The following MYLK2 variants were observed in gnomAD, a reference collection of about 807,000 sequenced individuals.
The protein encoded by MYLK2 is myosin light chain kinase 2.
MYLK2 carries 27 observed loss-of-function variants against 58.2 expected under a neutral mutation model. That is an observed-to-expected ratio of 0.46 (90% CI 0.34 to 0.64). The LOEUF (loss-of-function observed/expected upper bound fraction) is 0.64. MYLK2 is among the 30% of genes least tolerant of loss of function. The pLI, the probability that MYLK2 is intolerant of heterozygous loss-of-function variation, is 0.01. For synonymous variants in MYLK2, 310 were observed against 296.7 expected (o/e 1.04, Z -0.46); for missense variants, 676 against 764.3 (o/e 0.88, Z 1.36).
chr20:31,820,740 T>A (rs1055773199), intron 3 of MYLK2, among the ~76,000 whole-genome samples, 194 bp downstream of exon 3: 1 of 152,168 alleles, frequency 6.6e-6, no homozygotes, highest in Non-Finnish European at 1.5e-5. Context: ...CCTGCCACAA[T>A]TCATACAAGA....
intron 8 of MYLK2, among the ~76,000 whole-genome samples, 197 bp from the exon 9 acceptor site, chr20:31,830,622 T>TCG (rs1324781328): frequency 6.6e-6 from 1 of 152,228 alleles, no homozygotes; most frequent in Non-Finnish European, 1.5e-5. Flanking sequence ...CTTCAAGGCC[T>TCG]CGCATAAGCC....
intron 8 of MYLK2, 138 bp downstream of exon 8, chr20:31,827,076 A>G: frequency 6.6e-7 from 1 of 1,508,966 alleles, no homozygotes; most frequent in South Asian, 1.3e-5. Context: ...AGATTCAGAA[A>G]GGGTTTATGG....
intron 2 of MYLK2, among the ~76,000 whole-genome samples, 167 bp from the exon 3 acceptor site, chr20:31,819,959 C>A (rs2062243006): frequency 6.6e-6 from 1 of 152,204 alleles, no homozygotes; most frequent in Non-Finnish European, 1.5e-5. Flanking sequence ...AAGGTCGTGG[C>A]AGCTCATCTC....
chr20:31,830,548 C>T (rs1455339143), intron 8 of MYLK2, among the ~76,000 whole-genome samples: 3 of 152,194 alleles, frequency 2.0e-5, no homozygotes, highest in South Asian at 2.1e-4. Context: ...GCTAGAATGT[C>T]GTGTTCTTTC....
chr20:31,821,635 A>C lies in MYLK2; in HGVS notation c.670A>C (p.Thr224Pro). The change falls in exon 4 of 13, where the codon ACC becomes CCC. Residue 224 changes from threonine (T) to proline (P), a missense_variant. Thr to Pro is a conservative substitution (Grantham distance 38). Coordinates refer to ENST00000375985, the MANE Select transcript of MYLK2 (RefSeq NM_033118.4). ...TGGCCAGGCTAAGATGCAAGGGGAC[A>C]CCTCGAGGGGGATTGAGTTCCAGGC... The part of the protein sequence containing the change: ...QAGQAKMQGD[T>P]SRGIEFQAVP... The C allele has an allele frequency of 6.2e-7, 1 of 1,613,976 alleles. No individual in the cohort carries two copies. Among genetic ancestry groups the C allele is most frequent in the Non-Finnish European group, 8.5e-7 (1 of 1,179,990 alleles).
intron 4 of MYLK2, among the ~76,000 whole-genome samples, chr20:31,822,715 G>T (rs571143295): frequency 1.3e-5 from 2 of 152,028 alleles, no homozygotes; most frequent in African/African-American, 4.8e-5. Context: ...GAGCGGCACC[G>T]TGCCACCCAG....
chr20:31,831,679 C>T (rs1239764372), intron 10 of MYLK2, 24 bp from the exon 11 acceptor site: 1 of 1,613,292 alleles, frequency 6.2e-7, no homozygotes, highest in South Asian at 1.1e-5. Flanking sequence ...CACCTCCCTG[C>T]CCCCTGCTAT....
chr20:31,827,492 A>T, intron 8 of MYLK2: 1 of 985,396 alleles, frequency 1.0e-6, no homozygotes, highest in Non-Finnish European at 1.2e-6. Flanking sequence ...AGGCGCTAAC[A>T]ACAATGTTTC....
In MYLK2 at chr20:31,831,793, C is replaced by T. The variant is rs930435016; in HGVS notation, c.1515C>T (p.Thr505=). ...LSGNWYFDEE[T]FEAVSDEAKD... ...GCAACTGGTACTTTGATGAAGAGAC[C>T]TTTGAGGCCGTATCAGACGAGGCCA... The change falls in exon 11 of 13, where the codon ACC becomes ACT. Residue 505 remains threonine, a synonymous_variant. Coordinates refer to ENST00000375985, the MANE Select transcript of MYLK2 (RefSeq NM_033118.4). 6.8e-6 allele frequency: 11 copies of T among 1,614,030 alleles called. No individual in the cohort carries two copies. The highest frequency in any genetic ancestry group is 8.5e-6 in the Non-Finnish European group (10 of 1,180,024).
chr20:31,823,431 C>T, intron 4 of MYLK2, 46 bp from the exon 5 acceptor site: 1 of 1,553,314 alleles, frequency 6.4e-7, no homozygotes, highest in Non-Finnish European at 8.8e-7. Flanking sequence ...GGGGAATCCT[C>T]AGCAGCCCCT....
At chr20:31,820,946 A>C (rs557844851) in intron 3 of MYLK2, among the ~76,000 whole-genome samples, 1 of 152,340 alleles carries the variant, frequency 6.6e-6, no homozygotes, top group Admixed American at 6.5e-5. Flanking sequence ...TGTTCTTCTT[A>C]ATATAATTAT....
At chr20:31,819,717 T>C (rs2062241973) in intron 2 of MYLK2, 85 bp downstream of exon 2, 1 of 1,466,550 alleles carries the variant, frequency 6.8e-7, no homozygotes, top group Non-Finnish European at 9.3e-7. Flanking sequence ...TCAGTGGGAG[T>C]TCTGTGCCCC....
chr20:31,828,192 A>G (rs957457289), intron 8 of MYLK2: 1 of 985,168 alleles, frequency 1.0e-6, no homozygotes, highest in Non-Finnish European at 1.2e-6. Flanking sequence ...CTGGCCACAG[A>G]TAGGTGTATA....
rs775870327 is a variant in MYLK2, at chr20:31,831,983, A to AC, written c.1578-19dup. 1.9e-6 allele frequency: 3 copies of AC among 1,611,850 alleles called. No homozygotes were observed. In the East Asian group the frequency reaches 6.7e-5, roughly 36 times the overall value. The stretch of plus-strand genomic sequence containing the variant: ...CCTCACGAGCATGCAGCCCACCGTC[A>AC]CCATGCTGCCTCTCCCCCAGGGCCC... On this transcript the variant is annotated intron_variant, in intron 11 of 12. Coordinates refer to ENST00000375985, the MANE Select transcript of MYLK2 (RefSeq NM_033118.4).
At chr20:31,824,667 C>A in intron 6 of MYLK2, 1 of 731,714 alleles carries the variant, frequency 1.4e-6, no homozygotes, top group Non-Finnish European at 1.7e-6. Flanking sequence ...CTGTGCTGGG[C>A]ACTGGGGGTC....
Position 31,829,818 on chromosome 20 carries a change from G to A in MYLK2, c.1225-1001G>A, listed in dbSNP as rs377289637. Among the ~76,000 whole-genome samples the A allele has an allele frequency of 1.3e-3, 202 of 152,310 alleles. 4 individuals are homozygous for A. In the South Asian group the frequency reaches 0.033, roughly 25 times the overall value. Reference sequence around the variant, plus strand: ...TACCCTGCAACCTCAGATTAGTCCTGTGTCCTTGTGTGATAGGAAGAGGAA... The same window carrying A: ...TACCCTGCAACCTCAGATTAGTCCTATGTCCTTGTGTGATAGGAAGAGGAA... On this transcript the variant is annotated intron_variant, in intron 8 of 12. Transcript: ENST00000375985.
chr20:31,823,499 C>A lies in MYLK2; in HGVS notation c.795C>A (p.Ala265=). 1 of 1,613,508 alleles carries A rather than the reference C, an allele frequency of 6.2e-7. No individual in the cohort carries two copies. ...QILDDCPPPP[A]PFPHRMVELR... ...CAGATGATTGCCCGCCACCTCCGGC[C>A]CCCTTCCCTCACCGCATGGTGGAGC... is the stretch of plus-strand genomic sequence containing the variant. Residue 265 remains alanine (A), a synonymous_variant, in exon 5 of 13, where the codon GCC becomes GCA. Coordinates refer to ENST00000375985, the MANE Select transcript of MYLK2 (RefSeq NM_033118.4).
At chr20:31,824,491 TAG>T (rs2062269008) in intron 6 of MYLK2, 139 bp downstream of exon 6, 1 of 1,514,260 alleles carries the variant, frequency 6.6e-7, no homozygotes, top group African/African-American at 1.4e-5. Context: ...ACTACACAGA[TAG>T]AGAGATGGAT....
At chr20:31,821,847 C>A (rs1214917631) in intron 4 of MYLK2, 110 bp downstream of exon 4, 6 of 1,047,708 alleles carry the variant, frequency 5.7e-6, no homozygotes, top group Non-Finnish European at 8.3e-6. Flanking sequence ...CTGAGCCAAG[C>A]CTTACCCAGG....
Sources: gnomAD v4.1 joint callset for allele counts (sites outside exome capture counted in the v4.1 genomes callset) on GRCh38, gnomAD v4.1.1 for gene constraint, MANE v1.5 for transcripts, NCBI Gene and HGNC (gene_info 2026-07-23, HGNC 2026-07-21) for gene names.